The following CHSY3 variants were observed in gnomAD, a reference collection of about 807,000 sequenced individuals.
The protein encoded by CHSY3 is chondroitin sulfate synthase 3, also known as N-acetylgalactosaminyl-proteoglycan 3-beta-glucuronosyltransferase 3.
In CHSY3, 35 loss-of-function variants were observed where a neutral mutation model predicts 67.2. The observed-to-expected ratio is 0.52, with a 90% confidence interval of 0.40 to 0.69. CHSY3 has a LOEUF of 0.69. Ranked by LOEUF, CHSY3 falls within the 30% of genes least tolerant of loss-of-function variation. The pLI, the probability that CHSY3 is intolerant of heterozygous loss-of-function variation, is 0.00. For synonymous variants in CHSY3, 474 were observed against 434.7 expected (o/e 1.09, Z -1.12); for missense variants, 1,069 against 1,138.5 (o/e 0.94, Z 0.88).
At chr5:130,155,028 C>G (rs1769332236) in intron 2 of CHSY3, among the ~76,000 whole-genome samples, 1 of 152,214 alleles carries the variant, frequency 6.6e-6, no homozygotes, top group Non-Finnish European at 1.5e-5. Context: ...GCAACTCCAA[C>G]AGGTTTGAAT....
chr5:130,063,896 A>G (rs918634483), intron 2 of CHSY3, among the ~76,000 whole-genome samples: 3 of 152,136 alleles, frequency 2.0e-5, no homozygotes, highest in African/African-American at 4.8e-5. Flanking sequence ...AGAAGGCCCC[A>G]TTTCTTAATA....
intron 2 of CHSY3, among the ~76,000 whole-genome samples, chr5:129,982,322 C>T (rs1763044040): frequency 6.6e-6 from 1 of 151,988 alleles, no homozygotes; most frequent in South Asian, 2.1e-4. Flanking sequence ...CATCAATGAA[C>T]TCTACTCTAA....
At chr5:129,939,174 C>T (rs912955300) in intron 2 of CHSY3, among the ~76,000 whole-genome samples, 26 of 152,122 alleles carry the variant, frequency 1.7e-4, no homozygotes, top group African/African-American at 6.0e-4. Context: ...GGAAGTGCTA[C>T]ACACTTTGAA....
rs185516322 is a variant in CHSY3 at position 130,159,591 on chromosome 5, A to G, written c.1087-24638A>G. On this transcript the variant is annotated intron_variant, in intron 2 of 2. Transcript: ENST00000305031. ...TCTTACTGCTTTTTTTCATTTTTCC[A>G]ATTGAGGCTGTATAAATAAGTGAAG... Among the ~76,000 whole-genome samples, 4 of 152,092 alleles carry G rather than the reference A, an allele frequency of 2.6e-5. No homozygotes were observed. The East Asian group carries it at 7.7e-4, about 29-fold the overall frequency.
chr5:130,087,046 T>A (rs1221160613), intron 2 of CHSY3, among the ~76,000 whole-genome samples: 6 of 152,166 alleles, frequency 3.9e-5, no homozygotes, highest in African/African-American at 7.2e-5. Flanking sequence ...ATCCCTGGGA[T>A]GCAAGGCTGT....
intron 2 of CHSY3, among the ~76,000 whole-genome samples, chr5:130,126,753 T>C (rs1486806374): frequency 6.6e-6 from 1 of 152,204 alleles, no homozygotes; most frequent in East Asian, 1.9e-4. Context: ...CATGACTATA[T>C]AATATCATAT....
At chr5:130,031,758 C>G (rs1341494487) in intron 2 of CHSY3, among the ~76,000 whole-genome samples, 1 of 152,102 alleles carries the variant, frequency 6.6e-6, no homozygotes, top group Non-Finnish European at 1.5e-5. Flanking sequence ...AAAATTGAAT[C>G]TAATGGACAT....
rs771166604 is a variant in CHSY3, at chr5:130,185,147, A to C, written c.2005A>C (p.Lys669Gln). 2 of 1,603,644 alleles carry C rather than the reference A, an allele frequency of 1.2e-6. No homozygotes were observed. Among genetic ancestry groups the C allele is most frequent in the Non-Finnish European group, 1.7e-6 (2 of 1,170,482 alleles). The stretch of plus-strand genomic sequence containing the variant: ...TAGGGATTCTGGCCAAGACTCCAGC[A>C]AGCATATTGAGCTGATAAAAGGGTA... ...FSRDSGQDSSKHIELIKGYQN... is the reference protein window; with the variant it reads ...FSRDSGQDSSQHIELIKGYQN... The change falls in exon 3 of 3, where the codon AAG (lysine) becomes CAG (glutamine). Residue 669 changes from lysine to glutamine, a missense_variant. By Grantham distance (53) the Lys-to-Gln change is moderately conservative. Around this residue, in one of 5 missense-constraint regions of CHSY3, gnomAD observed 401 missense variants for 395.2 expected, o/e 1.01. Coordinates refer to ENST00000305031, the MANE Select transcript of CHSY3 (RefSeq NM_175856.5).
chr5:130,143,732 G>A (rs9918198), intron 2 of CHSY3, among the ~76,000 whole-genome samples: 4,107 of 98,918 alleles, frequency 0.042, 402 homozygotes, highest in African/African-American at 0.14. Context: ...GTGTGTGTGT[G>A]TGTATATATA....
intron 2 of CHSY3, among the ~76,000 whole-genome samples, chr5:130,009,326 G>T (rs1482939347): frequency 1.3e-5 from 2 of 151,648 alleles, no homozygotes; most frequent in Non-Finnish European, 2.9e-5. Flanking sequence ...CATCGCTAAA[G>T]AAAAAAAATT....
chr5:130,065,733 T>C (rs926719290), intron 2 of CHSY3, among the ~76,000 whole-genome samples: 1 of 152,126 alleles, frequency 6.6e-6, no homozygotes, highest in Non-Finnish European at 1.5e-5. Flanking sequence ...CTGACAATGA[T>C]CCAATTTGTG....
chr5:130,124,061 A>G (rs909350091), intron 2 of CHSY3, among the ~76,000 whole-genome samples: 2 of 151,248 alleles, frequency 1.3e-5, no homozygotes, highest in Non-Finnish European at 3.0e-5. Flanking sequence ...AAAAAAAAAA[A>G]AAAGAAGTAA....
intron 2 of CHSY3, among the ~76,000 whole-genome samples, chr5:130,040,075 G>T (rs140469627): frequency 1.3e-5 from 2 of 152,030 alleles, no homozygotes. Context: ...TTGAACTTTC[G>T]TCTAGGGTTT....
chr5:130,151,408 G>A (rs1769228369), intron 2 of CHSY3, among the ~76,000 whole-genome samples: 1 of 152,202 alleles, frequency 6.6e-6, no homozygotes, highest in African/African-American at 2.4e-5. Flanking sequence ...ACTTCAGAAA[G>A]CAAGTACTGA....
At chr5:130,131,573 C>T (rs1297088281) in intron 2 of CHSY3, among the ~76,000 whole-genome samples, 1 of 152,056 alleles carries the variant, frequency 6.6e-6, no homozygotes, top group African/African-American at 2.4e-5. Context: ...ATTGAATAGA[C>T]AAGGAAACTG....
At chr5:130,119,446 T>C (rs1767932667) in intron 2 of CHSY3, among the ~76,000 whole-genome samples, 1 of 152,152 alleles carries the variant, frequency 6.6e-6, no homozygotes, top group Non-Finnish European at 1.5e-5. Flanking sequence ...GCTTGATTCA[T>C]TACGCGTGTA....
At chr5:130,162,503 AC>A in intron 2 of CHSY3, among the ~76,000 whole-genome samples, 1 of 152,200 alleles carries the variant, frequency 6.6e-6, no homozygotes, top group South Asian at 2.1e-4. Flanking sequence ...GTAAAGCCAT[AC>A]AGCAAACTCC....
At chr5:129,961,529 A>C (rs886731161) in intron 2 of CHSY3, among the ~76,000 whole-genome samples, 2 of 151,968 alleles carry the variant, frequency 1.3e-5, no homozygotes, top group African/African-American at 4.8e-5. Flanking sequence ...TAGCCCTAGA[A>C]GTTTTTCTCT....
rs202144261 is a variant in CHSY3 at position 129,930,509 on chromosome 5, G to A, written c.1086+22149G>A. ...ATGTTTAAAAGGAGGCATCACTGGC[G>A]GGGGGGGGGTATGAAGTTTTGCCTG... On this transcript the variant is annotated intron_variant, in intron 2 of 2. Coordinates refer to ENST00000305031, the MANE Select transcript of CHSY3 (RefSeq NM_175856.5). Among the ~76,000 whole-genome samples, 9 of 65,938 alleles carry A rather than the reference G, an allele frequency of 1.4e-4. 1 individual carries two copies. The highest frequency in any genetic ancestry group is 9.7e-4 in the South Asian group (2 of 2,054). The allele number at this position is 65,938 out of a possible 152,430, so 43.3% of individuals were successfully genotyped here. A position where few individuals can be genotyped will look rare whatever the true frequency, so the allele number is the denominator to read the frequency against.
Sources: gnomAD v4.1 joint callset for allele counts (sites outside exome capture counted in the v4.1 genomes callset) on GRCh38, gnomAD v4.1.1 for gene constraint, gnomAD v4.1.1 regional missense constraint, MANE v1.5 for transcripts, NCBI Gene and HGNC (gene_info 2026-07-23, HGNC 2026-07-21) for gene names.